The following EXOSC8 variants were observed in gnomAD, a reference collection of about 807,000 sequenced individuals.
EXOSC8 encodes exosome complex component RRP43.
In EXOSC8, 37 loss-of-function variants were observed where a neutral mutation model predicts 39.9. The observed-to-expected ratio is 0.93, with a 90% CI of 0.71 to 1.22. The LOEUF (loss-of-function observed/expected upper bound fraction) is 1.22. Ranked by LOEUF, EXOSC8 falls within the 50% of genes most tolerant of loss-of-function variation. The pLI is 0.00. For missense variants in EXOSC8, 313 were observed against 326.6 expected, an observed-to-expected ratio of 0.96 and a Z score of 0.32; for synonymous variants, 93 against 109.5, an observed-to-expected ratio of 0.85 and a Z score of 0.94.
intron 8 of EXOSC8, 127 bp from the exon 9 acceptor site, chr13:37,007,930 A>T: frequency 1.5e-6 from 1 of 680,530 alleles, no homozygotes; most frequent in South Asian, 1.8e-5. Flanking sequence ...AGTGGCTGTA[A>T]GGTGCTTTTT....
At chr13:37,000,903 A>G (rs1049141926) in intron 1 of EXOSC8, 81 bp downstream of exon 1, 105 of 1,416,128 alleles carry the variant, frequency 7.4e-5, no homozygotes, top group Non-Finnish European at 9.4e-5. Flanking sequence ...GGATTCTCTC[A>G]CCTGGAGGCC....
At chr13:37,004,432 G>A (rs2059125533) in intron 4 of EXOSC8, 84 bp from the exon 5 acceptor site, 1 of 899,112 alleles carries the variant, frequency 1.1e-6, no homozygotes, top group Non-Finnish European at 1.8e-6. Context: ...ATATTTGATA[G>A]AGCCTTCCAT....
At position 37,009,339 on chromosome 13, in the gene EXOSC8, A is replaced by ATT; in HGVS notation, c.*42_*43dup. On this transcript the variant is annotated 3_prime_UTR_variant, in exon 11 of 11. Coordinates refer to ENST00000389704, the MANE Select transcript of EXOSC8 (RefSeq NM_181503.3). ...TTCAAAACAGATTTGTAAAAATTGT[A>ATT]TTTGTTAACACTGTGCACAAACGTT... 1 of 1,158,376 alleles carries ATT rather than the reference A, an allele frequency of 8.6e-7. No homozygotes were observed. Among genetic ancestry groups the ATT allele is most frequent in the Non-Finnish European group, 1.3e-6 (1 of 777,514 alleles). The allele number at this position is 1,158,376 out of a possible 1,614,324, so 71.8% of individuals were successfully genotyped here. A position where few individuals can be genotyped will look rare whatever the true frequency, so the allele number is the denominator to read the frequency against.
intron 7 of EXOSC8, among the ~76,000 whole-genome samples, 157 bp from the exon 8 acceptor site, chr13:37,006,818 G>A (rs2059142067): frequency 6.6e-6 from 1 of 152,166 alleles, no homozygotes; most frequent in Non-Finnish European, 1.5e-5. Flanking sequence ...GTTTTCTATA[G>A]AACTTTAAAA....
intron 5 of EXOSC8, 130 bp from the exon 6 acceptor site, chr13:37,005,790 G>T: frequency 1.8e-6 from 1 of 549,400 alleles, no homozygotes; most frequent in Non-Finnish European, 3.2e-6. Flanking sequence ...CTTGAACCTG[G>T]GAGGTAGAGG....
chr13:37,002,707 G>GA (rs1327630585), intron 3 of EXOSC8, among the ~76,000 whole-genome samples, 156 bp downstream of exon 3: 1 of 152,054 alleles, frequency 6.6e-6, no homozygotes, highest in Non-Finnish European at 1.5e-5. Flanking sequence ...GTAACTAAAT[G>GA]AAAAATGATT....
In EXOSC8 at chr13:37,009,611, T is replaced by C; in HGVS notation, c.*312T>C. ...ATTAAAAAAAACAAAAAGTAGAAAC[T>C]CAATTCTTTTGATTCAGTGCTCTTG... On this transcript the variant is annotated 3_prime_UTR_variant, in exon 11 of 11. Transcript: ENST00000389704. 6.3e-7 allele frequency: 1 copy of C among 1,598,478 alleles called. No individual in the cohort carries two copies. Among genetic ancestry groups the C allele is most frequent in the Non-Finnish European group, 8.6e-7 (1 of 1,166,842 alleles).
chr13:37,003,021 T>G lies in EXOSC8; in HGVS notation c.192+14T>G. The G allele has an allele frequency of 6.9e-7, 1 of 1,459,264 alleles. No individual in the cohort carries two copies. Among genetic ancestry groups the G allele is most frequent in the Non-Finnish European group, 9.6e-7 (1 of 1,040,336 alleles). 90.4% of individuals were successfully genotyped at this position (1,459,264 alleles called of 1,614,324 possible). On this transcript the variant is annotated intron_variant, in intron 4 of 10. Coordinates refer to ENST00000389704, the MANE Select transcript of EXOSC8 (RefSeq NM_181503.3). Reference sequence around the variant, plus strand: ...GGAGTTAAAGCAGTAAGTCTAAATATGTCCTATTGAGATTTGAGTTACAAA... The same window carrying G: ...GGAGTTAAAGCAGTAAGTCTAAATAGGTCCTATTGAGATTTGAGTTACAAA...
At chr13:37,002,369 T>G in intron 2 of EXOSC8, 60 bp downstream of exon 2, 1 of 1,458,006 alleles carries the variant, frequency 6.9e-7, no homozygotes, top group Non-Finnish European at 9.6e-7. Flanking sequence ...TAAAGATGAA[T>G]TTCAAGTAAT....
chr13:37,007,592 A>G (rs180738738), intron 8 of EXOSC8, among the ~76,000 whole-genome samples: 2 of 152,310 alleles, frequency 1.3e-5, no homozygotes, highest in Admixed American at 6.5e-5. Flanking sequence ...GCACAGCAAT[A>G]TTATAGTAGA....
At chr13:37,006,714 A>C (rs547088064) in intron 7 of EXOSC8, among the ~76,000 whole-genome samples, 28 of 152,328 alleles carry the variant, frequency 1.8e-4, no homozygotes, top group Middle Eastern at 6.8e-3. Context: ...TTCCTTCTAC[A>C]TCTGTAGCTC....
chr13:37,009,364 T>C lies in EXOSC8; in HGVS notation c.*65T>C. 1 of 895,158 alleles carries C rather than the reference T, an allele frequency of 1.1e-6. No individual in the cohort carries two copies. The highest frequency in any genetic ancestry group is 1.8e-6 in the Non-Finnish European group (1 of 563,744). The allele number at this position is 895,158 out of a possible 1,614,324, so 55.5% of individuals were successfully genotyped here. A position where few individuals can be genotyped will look rare whatever the true frequency, so the allele number is the denominator to read the frequency against. ...ATTTGTTAACACTGTGCACAAACGT[T>C]TTATACTAAATAAATATCAAACTAC... On this transcript the variant is annotated 3_prime_UTR_variant, in exon 11 of 11. Coordinates refer to ENST00000389704, the MANE Select transcript of EXOSC8 (RefSeq NM_181503.3).
chr13:37,006,204 G>A (rs2059137961), intron 7 of EXOSC8, 44 bp downstream of exon 7: 2 of 1,428,850 alleles, frequency 1.4e-6, no homozygotes, highest in South Asian at 1.2e-5. Context: ...AATTCTGAAG[G>A]GATTTTTTTT....
intron 4 of EXOSC8, chr13:37,003,318 A>G (rs1166217668): frequency 9.8e-6 from 3 of 305,628 alleles, no homozygotes; most frequent in South Asian, 4.2e-5. Context: ...ATGACATGTA[A>G]TCTGTGTAAA....
At chr13:37,004,392 G>C in intron 4 of EXOSC8, 124 bp from the exon 5 acceptor site, 1 of 664,570 alleles carries the variant, frequency 1.5e-6, no homozygotes, top group Non-Finnish European at 2.7e-6. Flanking sequence ...ACCAATGTCC[G>C]TAGAGGCCCT....
chr13:37,009,099 T>G (rs998608402), intron 10 of EXOSC8, 85 bp from the exon 11 acceptor site: 1 of 897,532 alleles, frequency 1.1e-6, no homozygotes, highest in Non-Finnish European at 1.7e-6. Flanking sequence ...TCCAATTTTT[T>G]TGTTTTATAA....
At chr13:37,007,447 G>GTAA (rs1429582144) in intron 8 of EXOSC8, among the ~76,000 whole-genome samples, 1 of 152,230 alleles carries the variant, frequency 6.6e-6, no homozygotes, top group Non-Finnish European at 1.5e-5. Context: ...TGAGGCCATA[G>GTAA]TAATAGGGAA....
intron 1 of EXOSC8, chr13:37,001,406 C>T (rs755101971): frequency 1.3e-5 from 2 of 152,224 alleles, no homozygotes; most frequent in African/African-American, 2.4e-5. Context: ...GAGACTCTGT[C>T]AGAATCAATC....
chr13:37,006,245 A>G (rs1041201385), intron 7 of EXOSC8, 85 bp downstream of exon 7: 2 of 864,580 alleles, frequency 2.3e-6, no homozygotes, highest in Non-Finnish European at 3.7e-6. Flanking sequence ...GGAAATTAAA[A>G]CCACCAATCA....
Sources: allele counts gnomAD v4.1 joint callset (sites outside exome capture counted in the v4.1 genomes callset), GRCh38; gene constraint gnomAD v4.1.1; transcripts MANE v1.5; gene names NCBI Gene and HGNC (gene_info 2026-07-23, HGNC 2026-07-21).